DLGAP2: variants seen among roughly 807,000 people sequenced by gnomAD.
DLGAP2 encodes DLG associated protein 2, also known as disks large-associated protein 2.
In DLGAP2, 26 loss-of-function variants were observed where a neutral mutation model predicts 100.3. The ratio of observed to expected loss-of-function variants is 0.26; its 90% confidence interval spans 0.19 to 0.36. The LOEUF (loss-of-function observed/expected upper bound fraction) is 0.36. DLGAP2 is among the 10% of genes least tolerant of loss of function. DLGAP2 has a pLI of 1.00. For missense variants in DLGAP2, 1,858 were observed against 1,453.2 expected, an observed-to-expected ratio of 1.28 and a Z score of -4.53; for synonymous variants, 886 against 630.1, an observed-to-expected ratio of 1.41 and a Z score of -6.08.
chr8:1,374,710 T>G (rs1802346455), intron 3 of DLGAP2, among the ~76,000 whole-genome samples: 1 of 152,186 alleles, frequency 6.6e-6, no homozygotes, highest in Non-Finnish European at 1.5e-5. Flanking sequence ...TTTGACTTTG[T>G]TTTACTTTGC....
intron 1 of DLGAP2, among the ~76,000 whole-genome samples, chr8:870,702 C>G (rs1460307298): frequency 6.6e-6 from 1 of 152,104 alleles, no homozygotes; most frequent in African/African-American, 2.4e-5. Flanking sequence ...TGAGAGATTT[C>G]CAGAAACCTC....
intron 7 of DLGAP2, among the ~76,000 whole-genome samples, chr8:1,628,786 G>GCAGGGATTAAGAGCCTGAGCC (rs1563266919): frequency 1.6e-4 from 25 of 151,530 alleles, no homozygotes; most frequent in African/African-American, 5.8e-4. Flanking sequence ...GAGCCTGAGC[G>GCAGGGATTAAGAGCCTGAGCC]CAGGGATTAA....
At chr8:1,176,812 C>T (rs117061737) in intron 2 of DLGAP2, among the ~76,000 whole-genome samples, 1 of 152,150 alleles carries the variant, frequency 6.6e-6, no homozygotes, top group East Asian at 1.9e-4. Flanking sequence ...GCCTGGTGGT[C>T]ACATTCTCTC....
At chr8:1,284,508 C>T (rs1238755533) in intron 3 of DLGAP2, among the ~76,000 whole-genome samples, 2 of 152,188 alleles carry the variant, frequency 1.3e-5, no homozygotes, top group Non-Finnish European at 2.9e-5. Flanking sequence ...ACAGTCCCCA[C>T]GCAAACCACG....
rs540784883 is a variant in DLGAP2, at chr8:956,655, T to A, written c.73+48689T>A. 2.0e-5 allele frequency among the ~76,000 whole-genome samples: 3 copies of A among 152,360 alleles called. No individual in the cohort carries two copies. In the East Asian group the frequency reaches 5.8e-4, roughly 29 times the overall value. On this transcript the variant is annotated intron_variant, in intron 2 of 14. Coordinates refer to ENST00000637795, the MANE Select transcript of DLGAP2 (RefSeq NM_001346810.2). ...CGTTTTCCTACACCCACATTCCATT[T>A]ACAGATCTAATACATGTGATGGCAA...
chr8:1,348,642 G>A (rs536326777), intron 3 of DLGAP2, among the ~76,000 whole-genome samples: 1 of 152,156 alleles, frequency 6.6e-6, no homozygotes, highest in Non-Finnish European at 1.5e-5. Flanking sequence ...CCCACACAGA[G>A]CTGCATTGCT....
At chr8:1,560,633 C>T (rs545933924) in intron 5 of DLGAP2, among the ~76,000 whole-genome samples, 3 of 152,224 alleles carry the variant, frequency 2.0e-5, no homozygotes, top group Non-Finnish European at 4.4e-5. Flanking sequence ...ACCGGGCGCT[C>T]CACTGCCCGC....
chr8:1,033,839 C>T (rs1802047309), intron 2 of DLGAP2, among the ~76,000 whole-genome samples: 1 of 136,126 alleles, frequency 7.3e-6, no homozygotes, highest in African/African-American at 2.7e-5. Context: ...CTCATCCCGG[C>T]CCCGCGTGTC....
At chr8:1,601,229 G>T (rs928463753) in intron 6 of DLGAP2, among the ~76,000 whole-genome samples, 13 of 152,238 alleles carry the variant, frequency 8.5e-5, no homozygotes, top group Non-Finnish European at 1.6e-4. Context: ...ATTGCTGCCT[G>T]TTCCTTCCTC....
At chr8:1,061,848 G>C (rs1803093366) in intron 2 of DLGAP2, among the ~76,000 whole-genome samples, 1 of 152,098 alleles carries the variant, frequency 6.6e-6, no homozygotes, top group Non-Finnish European at 1.5e-5. Flanking sequence ...GACGTCGCTG[G>C]GAGGAGCTGC....
chr8:1,245,251 G>A (rs2116867444), intron 2 of DLGAP2, among the ~76,000 whole-genome samples: 1 of 152,278 alleles, frequency 6.6e-6, no homozygotes, highest in South Asian at 2.1e-4. Flanking sequence ...ACATACCCAA[G>A]AGAAATGAAA....
intron 1 of DLGAP2, among the ~76,000 whole-genome samples, chr8:756,982 G>T (rs529957652): frequency 6.6e-6 from 1 of 152,124 alleles, no homozygotes; most frequent in Admixed American, 6.6e-5. Context: ...TGGGGTGCCC[G>T]CAATGGGTCT....
At chr8:1,582,997 C>A (rs1219528676) in intron 6 of DLGAP2, among the ~76,000 whole-genome samples, 1 of 152,144 alleles carries the variant, frequency 6.6e-6, no homozygotes, top group Non-Finnish European at 1.5e-5. Context: ...TACAGCCATG[C>A]AGAAAGTGAG....
intron 1 of DLGAP2, among the ~76,000 whole-genome samples, chr8:885,449 T>G (rs1797904396): frequency 6.6e-6 from 1 of 152,224 alleles, no homozygotes; most frequent in Non-Finnish European, 1.5e-5. Context: ...AAAGGAAGGC[T>G]TGTGATTTTT....
intron 3 of DLGAP2, chr8:1,378,054 A>C (rs1334651199): frequency 6.5e-6 from 1 of 154,452 alleles, no homozygotes; most frequent in African/African-American, 2.4e-5. Context: ...CCTGACTTGC[A>C]CTGTACTCCT....
At chr8:788,122 G>A (rs1821924674) in intron 1 of DLGAP2, among the ~76,000 whole-genome samples, 1 of 152,222 alleles carries the variant, frequency 6.6e-6, no homozygotes, top group Admixed American at 6.5e-5. Flanking sequence ...CCTGTGTCAT[G>A]ACAAGCATGC....
rs75511332 is a variant in DLGAP2, at chr8:1,498,011, G to T, written c.107-3355G>T. On this transcript the variant is annotated intron_variant, in intron 3 of 14. Transcript: ENST00000637795. ...TTTTATACACTTTAGGGAGACATAA[G>T]CCATTGGTCACTACCTGTAGATGTA... Among the ~76,000 whole-genome samples the T allele has an allele frequency of 7.5e-3, 1,150 of 152,320 alleles. 11 individuals are homozygous for T. Among genetic ancestry groups the T allele is most frequent in the African/African-American group, 0.027 (1,113 of 41,576 alleles).
intron 8 of DLGAP2, among the ~76,000 whole-genome samples, chr8:1,666,494 C>T (rs1798547015): frequency 6.6e-6 from 1 of 151,970 alleles, no homozygotes; most frequent in South Asian, 2.1e-4. Context: ...CAGGCTGGCC[C>T]ACATGGTGAA....
At chr8:747,480 C>T (rs563941580) in intron 1 of DLGAP2, among the ~76,000 whole-genome samples, 1 of 148,088 alleles carries the variant, frequency 6.8e-6, no homozygotes, top group Non-Finnish European at 1.5e-5. Flanking sequence ...TGGGACAGGC[C>T]ACGTTCCAGC....
Sources: gnomAD v4.1 joint callset for allele counts (sites outside exome capture counted in the v4.1 genomes callset) on GRCh38, gnomAD v4.1.1 for gene constraint, MANE v1.5 for transcripts, NCBI Gene and HGNC (gene_info 2026-07-23, HGNC 2026-07-21) for gene names.